Variants in CPTP observed in about 807,000 individuals in gnomAD.
CPTP encodes the protein ceramide-1-phosphate transfer protein.
A neutral mutation model predicts 5.7 loss-of-function variants in CPTP; 5 were observed. That is an observed-to-expected ratio of 0.88 (90% confidence interval 0.46 to 1.86). The LOEUF is 1.86. Ranked by LOEUF, CPTP falls within the 40% of genes most tolerant of loss-of-function variation. The pLI is 0.01. For synonymous variants in CPTP, 166 were observed against 142.7 expected (o/e 1.16, Z -1.16); for missense variants, 335 against 306.5 (o/e 1.09, Z -0.69).
Position 1,328,074 on chromosome 1 carries a change from G to T in CPTP, c.*311G>T. On this transcript the variant is annotated 3_prime_UTR_variant, in exon 3 of 3. Transcript: ENST00000343938. ...CAGAGCAGGCAGGGGTGGGGGCCGG[G>T]CCTGCAAGAGCCCGAAAGGTCGCCA... is the stretch of plus-strand genomic sequence containing the variant. 1 of 476,606 alleles carries T rather than the reference G, an allele frequency of 2.1e-6. No individual in the cohort carries two copies. The highest frequency in any genetic ancestry group is 2.6e-5 in the South Asian group (1 of 38,818). 29.5% of individuals were successfully genotyped at this position (476,606 alleles called of 1,614,324 possible).
At chr1:1,326,527 A>G (rs1184540814) in intron 1 of CPTP, among the ~76,000 whole-genome samples, 1 of 152,222 alleles carries the variant, frequency 6.6e-6, no homozygotes, top group Non-Finnish European at 1.5e-5. Context: ...GAGAGAAACA[A>G]AAACAAGAAA....
rs1219844185 is a variant in CPTP at position 1,328,034 on chromosome 1, G to GGGTGC, written c.*277_*281dup. 1 of 549,484 alleles carries GGGTGC rather than the reference G, an allele frequency of 1.8e-6. No homozygotes were observed. The highest frequency in any genetic ancestry group is 3.2e-6 in the Non-Finnish European group (1 of 308,284). The allele number at this position is 549,484 out of a possible 1,614,324, so 34.0% of individuals were successfully genotyped here. A position where few individuals can be genotyped will look rare whatever the true frequency, so the allele number is the denominator to read the frequency against. ...ACGCGTGCGCAGCCAGGCCTCGCCA[G>GGGTGC]GGTGCGGTGCAGAGCAGAGCAGGCA... On this transcript the variant is annotated 3_prime_UTR_variant, in exon 3 of 3. Coordinates refer to ENST00000343938, the MANE Select transcript of CPTP (RefSeq NM_001029885.2).
chr1:1,327,568 C>T lies in CPTP; in HGVS notation c.450C>T (p.His150=). The part of the protein sequence containing the change: ...DSYNASLAAY[H]PWVVRRAVTV... ...ACAACGCCTCGCTGGCCGCCTACCA[C>T]CCCTGGGTCGTGCGCCGCGCCGTCA... is the stretch of plus-strand genomic sequence containing the variant. Residue 150 remains histidine, a synonymous_variant, in exon 3 of 3, where the codon CAC becomes CAT. Transcript: ENST00000343938. 6.2e-7 allele frequency: 1 copy of T among 1,603,714 alleles called. No homozygotes were observed. The highest frequency in any genetic ancestry group is 8.5e-7 in the Non-Finnish European group (1 of 1,176,192).
intron 1 of CPTP, among the ~76,000 whole-genome samples, chr1:1,326,249 T>G (rs538698211): frequency 6.6e-6 from 1 of 152,332 alleles, no homozygotes; most frequent in East Asian, 1.9e-4. Context: ...TACAGCCTCT[T>G]TTCTGCTTTT....
Position 1,328,189 on chromosome 1 carries a change from C to A in CPTP, c.*426C>A. On this transcript the variant is annotated 3_prime_UTR_variant, in exon 3 of 3. Coordinates refer to ENST00000343938, the MANE Select transcript of CPTP (RefSeq NM_001029885.2). Reference sequence around the variant, plus strand: ...TCCATCCTTTCTCCTTTCTGCCAGCCGATGTGTCCTCATCTCAGGCCCGTG... The same window carrying A: ...TCCATCCTTTCTCCTTTCTGCCAGCAGATGTGTCCTCATCTCAGGCCCGTG... 1 of 253,102 alleles carries A rather than the reference C, an allele frequency of 4.0e-6. No homozygotes were observed. The allele number at this position is 253,102 out of a possible 1,614,324, so 15.7% of individuals were successfully genotyped here.
In CPTP at chr1:1,324,845, C is replaced by T. The variant is rs975164037; in HGVS notation, c.-333C>T. The T allele has an allele frequency of 4.2e-6, 2 of 480,248 alleles. No individual in the cohort carries two copies. The highest frequency in any genetic ancestry group is 7.3e-6 in the Non-Finnish European group (2 of 274,898). The allele number at this position is 480,248 out of a possible 1,614,324, so 29.7% of individuals were successfully genotyped here. A position where few individuals can be genotyped will look rare whatever the true frequency, so the allele number is the denominator to read the frequency against. On this transcript the variant is annotated 5_prime_UTR_variant, in exon 1 of 3. Transcript: ENST00000343938. ...ACGGCCTAGGTGAGCGGCTCGGACTCGGCGGCCGCACCTGCCCAACCCAAC... is the reference window on the plus strand; with the variant it reads ...ACGGCCTAGGTGAGCGGCTCGGACTTGGCGGCCGCACCTGCCCAACCCAAC...
chr1:1,326,113 G>C (rs1209876677), intron 1 of CPTP, among the ~76,000 whole-genome samples: 1 of 152,240 alleles, frequency 6.6e-6, no homozygotes, highest in Non-Finnish European at 1.5e-5. Flanking sequence ...CTCGTGGAAG[G>C]CTCCCTAGGG....
At chr1:1,326,607 C>T (rs1643314596) in intron 1 of CPTP, among the ~76,000 whole-genome samples, 5 of 152,312 alleles carry the variant, frequency 3.3e-5, no homozygotes, top group Middle Eastern at 3.4e-3. Context: ...GGGCCACTCT[C>T]GGGGTCAGGG....
rs143394298 is a variant in CPTP, at chr1:1,327,589, C to T, written c.471C>T (p.Ala157=). Residue 157 remains alanine, a synonymous_variant, in exon 3 of 3, where the codon GCC becomes GCT. Coordinates refer to ENST00000343938, the MANE Select transcript of CPTP (RefSeq NM_001029885.2). ...AAYHPWVVRR[A]VTVAFCTLPT... is the part of the protein sequence containing the mutation. ...ACCACCCCTGGGTCGTGCGCCGCGC[C>T]GTCACCGTGGCCTTCTGCACGCTGC... is the stretch of plus-strand genomic sequence containing the variant. 9.1e-5 allele frequency: 147 copies of T among 1,609,838 alleles called. No individual in the cohort carries two copies. The African/African-American group carries it at 1.3e-3, about 15-fold the overall frequency.
At position 1,325,041 on chromosome 1, in the gene CPTP, G is replaced by A; in HGVS notation, c.-137G>A. ...CCTCCGCCCCTTCCTGGGCCTCTCG[G>A]TGGAGCAGGGACCCGAACCGGTGCC... is the stretch of plus-strand genomic sequence containing the variant. On this transcript the variant is annotated 5_prime_UTR_variant, in exon 1 of 3. In the 5' UTR this introduces an upstream ATG that the reference lacks. Transcript: ENST00000343938. The A allele has an allele frequency of 5.7e-6, 1 of 175,706 alleles. No individual in the cohort carries two copies. The highest frequency in any genetic ancestry group is 1.2e-5 in the Non-Finnish European group (1 of 84,056). The allele number at this position is 175,706 out of a possible 1,614,324, so 10.9% of individuals were successfully genotyped here.
intron 2 of CPTP, 56 bp from the exon 3 acceptor site, chr1:1,327,185 C>A: frequency 6.3e-7 from 1 of 1,587,196 alleles, no homozygotes; most frequent in South Asian, 1.1e-5. Context: ...TCCCCTGCAC[C>A]CCAGGCGGGC....
chr1:1,327,520 C>T lies in CPTP; in HGVS notation c.402C>T (p.Thr134=), dbSNP rs1419532979. ...GLRTSPEDAR[T]SALCADSYNA... is the part of the protein sequence containing the mutation. ...GTACCAGCCCCGAGGACGCACGCAC[C>T]TCCGCGCTCTGCGCCGACTCCTACA... The change falls in exon 3 of 3, where the codon ACC becomes ACT. Residue 134 remains threonine, a synonymous_variant. Transcript: ENST00000343938. The T allele has an allele frequency of 2.5e-6, 4 of 1,579,550 alleles. No homozygotes were observed. In the South Asian group the frequency reaches 4.5e-5, roughly 18 times the overall value.
rs781213133 is a variant in CPTP at position 1,326,949 on chromosome 1, C to T, written c.39C>T (p.Val13=). The part of the protein sequence containing the change: ...DSETGFNLKV[V]LVSFKQCLDE... ...AGACAGGTTTCAATCTGAAAGTCGT[C>T]CTGGTCAGTTTCAAGCAGTGTCTCG... is the stretch of plus-strand genomic sequence containing the variant. Residue 13 remains valine, a synonymous_variant, in exon 2 of 3, where the codon GTC becomes GTT. Coordinates refer to ENST00000343938, the MANE Select transcript of CPTP (RefSeq NM_001029885.2). The T allele has an allele frequency of 6.2e-7, 1 of 1,613,740 alleles. No individual in the cohort carries two copies. The highest frequency in any genetic ancestry group is 1.7e-5 in the Admixed American group (1 of 60,002).
chr1:1,327,171 A>G (rs974308023), intron 2 of CPTP, 70 bp from the exon 3 acceptor site: 95 of 1,585,180 alleles, frequency 6.0e-5, no homozygotes, highest in Non-Finnish European at 7.9e-5. Flanking sequence ...CAGGCTGGGC[A>G]GCGTCCCCTG....
rs892890016 is a variant in CPTP at position 1,324,890 on chromosome 1, C to T, written c.-288C>T. Reference sequence around the variant, plus strand: ...CCCAACCCGCACGGTCCGGAAGTCGCCGAGGGGCCGGGAGCGGGAGGGGAC... The same window carrying T: ...CCCAACCCGCACGGTCCGGAAGTCGTCGAGGGGCCGGGAGCGGGAGGGGAC... On this transcript the variant is annotated 5_prime_UTR_variant, in exon 1 of 3. Coordinates refer to ENST00000343938, the MANE Select transcript of CPTP (RefSeq NM_001029885.2). The T allele has an allele frequency of 5.0e-6, 2 of 396,516 alleles. No homozygotes were observed. Among genetic ancestry groups the T allele is most frequent in the African/African-American group, 2.1e-5 (1 of 46,840 alleles). 24.6% of individuals were successfully genotyped at this position (396,516 alleles called of 1,614,324 possible). A position where few individuals can be genotyped will look rare whatever the true frequency, so the allele number is the denominator to read the frequency against.
Position 1,328,021 on chromosome 1 carries a change from C to T in CPTP, c.*258C>T. ...CTCGGCCTATTACACGCGTGCGCAG[C>T]CAGGCCTCGCCAGGGTGCGGTGCAG... is the stretch of plus-strand genomic sequence containing the variant. On this transcript the variant is annotated 3_prime_UTR_variant, in exon 3 of 3. Transcript: ENST00000343938. 1 of 558,986 alleles carries T rather than the reference C, an allele frequency of 1.8e-6. No homozygotes were observed. The allele number at this position is 558,986 out of a possible 1,614,324, so 34.6% of individuals were successfully genotyped here. A position where few individuals can be genotyped will look rare whatever the true frequency, so the allele number is the denominator to read the frequency against.
At chr1:1,325,517 G>C (rs1010556995) in intron 1 of CPTP, 1 of 152,354 alleles carries the variant, frequency 6.6e-6, no homozygotes, top group African/African-American at 2.4e-5. Context: ...GGCCCGAGGA[G>C]GGGAGGGGCG....
At position 1,326,994 on chromosome 1, in the gene CPTP, G is replaced by A; in HGVS notation, c.84G>A (p.Leu28=). ...KQCLDEKEEV[L]LDPYIASWKG... ...GTCTCGATGAGAAGGAAGAGGTCTT[G>A]CTGGACCCCTACATTGCCAGCTGGA... Residue 28 remains leucine, a synonymous_variant, in exon 2 of 3, where the codon TTG becomes TTA. Transcript: ENST00000343938. 1 of 1,613,636 alleles carries A rather than the reference G, an allele frequency of 6.2e-7. No individual in the cohort carries two copies. The highest frequency in any genetic ancestry group is 8.5e-7 in the Non-Finnish European group (1 of 1,180,008).
At chr1:1,326,466 G>A (rs966270731) in intron 1 of CPTP, among the ~76,000 whole-genome samples, 5 of 152,312 alleles carry the variant, frequency 3.3e-5, no homozygotes, top group Admixed American at 1.3e-4. Flanking sequence ...CTTGGCTCTC[G>A]GCAGGGGCTT....
Sources: allele counts gnomAD v4.1 joint callset (sites outside exome capture counted in the v4.1 genomes callset), GRCh38; gene constraint gnomAD v4.1.1; transcripts MANE v1.5; gene names NCBI Gene and HGNC (gene_info 2026-07-23, HGNC 2026-07-21).